Variants in GLIS1 observed in about 807,000 individuals in gnomAD.
GLIS1 encodes zinc finger protein GLIS1.
GLIS1 carries 24 observed loss-of-function variants against 63.8 expected under a neutral mutation model. The observed-to-expected ratio is 0.38, with a 90% CI of 0.27 to 0.53. The LOEUF is 0.53. Among genes scored for constraint, GLIS1 ranks in the 20% least tolerant of loss-of-function variants. The probability of loss-of-function intolerance (pLI) is 0.85; values close to 1 mark genes in which losing one functional copy is unlikely to be tolerated. For synonymous variants in GLIS1, 450 were observed against 482.5 expected (o/e 0.93, Z 0.88); for missense variants, 1,036 against 1,074.1 (o/e 0.96, Z 0.50).
At chr1:53,700,303 CCTT>C (rs35035349) in intron 2 of GLIS1, among the ~76,000 whole-genome samples, 17,677 of 152,190 alleles carry the variant, frequency 0.12, 1,195 homozygotes, top group East Asian at 0.23. Context: ...CTCTCCTCCT[CCTT>C]TTCTCCCTGT....
intron 2 of GLIS1, among the ~76,000 whole-genome samples, chr1:53,696,547 T>C (rs1037340460): frequency 7.9e-5 from 12 of 152,180 alleles, no homozygotes; most frequent in Admixed American, 5.2e-4. Context: ...TACCAAAGCA[T>C]AGCTAAAAAC....
At chr1:53,570,244 G>C (rs1053145866) in intron 4 of GLIS1, among the ~76,000 whole-genome samples, 6 of 151,456 alleles carry the variant, frequency 4.0e-5, no homozygotes, top group African/African-American at 1.5e-4. Context: ...AGCCTCCCAA[G>C]TCACTGGGAC....
chr1:53,672,654 G>A (rs887134441), intron 2 of GLIS1, among the ~76,000 whole-genome samples: 1 of 152,212 alleles, frequency 6.6e-6, no homozygotes, highest in Admixed American at 6.5e-5. Flanking sequence ...AAACCCAGTT[G>A]GCTTTTGAGG....
chr1:53,715,564 A>C (rs1416341925), intron 2 of GLIS1, among the ~76,000 whole-genome samples: 1 of 152,158 alleles, frequency 6.6e-6, no homozygotes, highest in Non-Finnish European at 1.5e-5. Flanking sequence ...GAACACAGAG[A>C]GGCAAGGGTG....
rs1379416861 is a variant in GLIS1, at chr1:53,594,692, G to A, written c.736C>T (p.Pro246Ser). 2.6e-6 allele frequency: 4 copies of A among 1,551,486 alleles called. No individual in the cohort carries two copies. Among genetic ancestry groups the A allele is most frequent in the Admixed American group, 1.9e-5 (1 of 53,790 alleles). The change falls in exon 4 of 11, where the codon CCC (proline) becomes TCC (serine). Residue 246 changes from proline (P) to serine (S), a missense_variant. Pro to Ser is a moderately conservative substitution (Grantham distance 74, BLOSUM62 -1). This residue lies in a region of GLIS1 where 592 missense variants were observed against 593.9 expected (regional missense o/e 1.00). Transcript: ENST00000628545. ...SLKRCCVLGL[P>S]PTSPASSSPC... Reference sequence around the variant, plus strand: ...GAGGAGGAGGCTGGGGAGGTGGGGGGTAGGCCCAAGACGCAGCACCGCTTC... The same window carrying A: ...GAGGAGGAGGCTGGGGAGGTGGGGGATAGGCCCAAGACGCAGCACCGCTTC...
intron 4 of GLIS1, among the ~76,000 whole-genome samples, chr1:53,592,779 T>A (rs1645205137): frequency 6.6e-6 from 1 of 152,236 alleles, no homozygotes; most frequent in South Asian, 2.1e-4. Context: ...CTGCCTCCCC[T>A]TGGCACAGGC....
At chr1:53,732,890 A>G (rs1187003724) in intron 2 of GLIS1, among the ~76,000 whole-genome samples, 1 of 152,170 alleles carries the variant, frequency 6.6e-6, no homozygotes, top group South Asian at 2.1e-4. Flanking sequence ...ATACTACCAC[A>G]TCGTGTTGAA....
intron 2 of GLIS1, among the ~76,000 whole-genome samples, chr1:53,700,516 C>T (rs538565763): frequency 6.6e-6 from 1 of 151,986 alleles, no homozygotes; most frequent in East Asian, 1.9e-4. Flanking sequence ...AATGCATGGC[C>T]TCTGCTCGTG....
intron 2 of GLIS1, among the ~76,000 whole-genome samples, chr1:53,637,627 AC>A (rs1645740367): frequency 6.6e-6 from 1 of 151,880 alleles, no homozygotes; most frequent in African/African-American, 2.4e-5. Context: ...GCTCATTTTC[AC>A]CCATAACCTT....
At chr1:53,660,505 T>C (rs945626044) in intron 2 of GLIS1, among the ~76,000 whole-genome samples, 1 of 152,150 alleles carries the variant, frequency 6.6e-6, no homozygotes, top group African/African-American at 2.4e-5. Context: ...TGAGCCCACA[T>C]TCTACACTCT....
chr1:53,514,818 C>T (rs1182377247), intron 7 of GLIS1, 37 bp from the exon 8 acceptor site: 2 of 1,548,092 alleles, frequency 1.3e-6, no homozygotes, highest in East Asian at 2.3e-5. Context: ...GGACTCTGGC[C>T]ACTCCCTAGA....
chr1:53,529,737 G>A, intron 5 of GLIS1, 54 bp downstream of exon 5: 4 of 1,554,878 alleles, frequency 2.6e-6, no homozygotes, highest in Admixed American at 3.4e-5. Flanking sequence ...TGAATGAGTG[G>A]CAGGTGTGTG....
intron 4 of GLIS1, among the ~76,000 whole-genome samples, chr1:53,591,984 C>T (rs973643112): frequency 6.6e-6 from 1 of 152,256 alleles, no homozygotes. Context: ...TATGCAAACT[C>T]CATCCCAGGA....
At chr1:53,655,309 T>G (rs1444582973) in intron 2 of GLIS1, among the ~76,000 whole-genome samples, 2 of 152,200 alleles carry the variant, frequency 1.3e-5, no homozygotes, top group African/African-American at 4.8e-5. Flanking sequence ...TAATCACTGC[T>G]CTAGACGAGT....
intron 4 of GLIS1, among the ~76,000 whole-genome samples, chr1:53,555,461 C>T (rs1644809481): frequency 6.6e-6 from 1 of 152,078 alleles, no homozygotes; most frequent in East Asian, 1.9e-4. Context: ...ACCCGGGAGG[C>T]AGAGGTTACG....
chr1:53,624,542 T>TC (rs1223017261), intron 2 of GLIS1, among the ~76,000 whole-genome samples: 62 of 136,380 alleles, frequency 4.5e-4, no homozygotes, highest in African/African-American at 1.7e-3. Flanking sequence ...TTTAAATCTC[T>TC]TTTTTTTTTT....
intron 2 of GLIS1, among the ~76,000 whole-genome samples, chr1:53,684,887 A>G (rs1225811779): frequency 1.3e-5 from 2 of 152,166 alleles, no homozygotes; most frequent in Non-Finnish European, 2.9e-5. Flanking sequence ...TGCCCAGATC[A>G]GTGAATCCAC....
chr1:53,549,562 T>C (rs1644738249), intron 4 of GLIS1, among the ~76,000 whole-genome samples: 1 of 152,260 alleles, frequency 6.6e-6, no homozygotes, highest in Non-Finnish European at 1.5e-5. Context: ...GGGCCATCTG[T>C]ATCTCTTCTT....
chr1:53,553,903 CAGCTCAG>C (rs1025118500), intron 4 of GLIS1, among the ~76,000 whole-genome samples: 1 of 152,136 alleles, frequency 6.6e-6, no homozygotes, highest in African/African-American at 2.4e-5. Context: ...GGGGGTGCTG[CAGCTCAG>C]ACAGTGTGCC....
Sources: allele counts gnomAD v4.1 joint callset (sites outside exome capture counted in the v4.1 genomes callset), GRCh38; gene constraint gnomAD v4.1.1; regional missense constraint gnomAD v4.1.1; transcripts MANE v1.5; gene names NCBI Gene and HGNC (gene_info 2026-07-23, HGNC 2026-07-21).